Variants in INPP4B observed in about 807,000 individuals in gnomAD.
The protein encoded by INPP4B is inositol polyphosphate-4-phosphatase type II B.
INPP4B carries 55 observed loss-of-function variants against 122.5 expected under a neutral mutation model. That is an observed-to-expected ratio of 0.45 (90% CI 0.36 to 0.56). The LOEUF (loss-of-function observed/expected upper bound fraction) is 0.56, where lower values mean the gene tolerates loss of function less well. Among genes scored for constraint, INPP4B ranks in the 20% least tolerant of loss-of-function variants. The pLI, the probability that INPP4B is intolerant of heterozygous loss-of-function variation, is 0.00. For synonymous variants in INPP4B, 403 were observed against 388.7 expected, an observed-to-expected ratio of 1.04 and a Z score of -0.43; for missense variants, 1,000 against 1,097.7, an observed-to-expected ratio of 0.91 and a Z score of 1.26.
chr4:142,233,645 T>C (rs1040125988), intron 12 of INPP4B, among the ~76,000 whole-genome samples: 3 of 152,016 alleles, frequency 2.0e-5, no homozygotes, highest in African/African-American at 4.8e-5. Context: ...GGGATCTGAG[T>C]AGAGGTAGTG....
intron 1 of INPP4B, among the ~76,000 whole-genome samples, chr4:142,824,318 A>G (rs1781187409): frequency 7.0e-6 from 1 of 142,392 alleles, no homozygotes; most frequent in South Asian, 2.1e-4. Context: ...CTATCTATCT[A>G]TCTCTATCTC....
intron 15 of INPP4B, among the ~76,000 whole-genome samples, chr4:142,188,927 C>T (rs1008074601): frequency 1.3e-5 from 2 of 152,188 alleles, no homozygotes; most frequent in African/African-American, 4.8e-5. Context: ...CAGAAAAACA[C>T]ATTTCAAAGG....
chr4:142,794,602 C>T (rs979655480), intron 1 of INPP4B, among the ~76,000 whole-genome samples: 1 of 151,866 alleles, frequency 6.6e-6, no homozygotes, highest in African/African-American at 2.4e-5. Flanking sequence ...AAGCCCAAAT[C>T]ATTAAGATAT....
chr4:142,160,344 T>C lies in INPP4B; in HGVS notation c.1563+14A>G, dbSNP rs1345762057. ...GCCAAACATTGAGAGGCAAGCGATA[T>C]ACAAGAGACTTACCCACTCTTCCTC... On this transcript the variant is annotated intron_variant, in intron 17 of 25. Coordinates refer to ENST00000262992, the MANE Select transcript of INPP4B (RefSeq NM_001101669.3). 10 of 1,445,942 alleles carry C rather than the reference T, an allele frequency of 6.9e-6. No homozygotes were observed. In the African/African-American group the frequency reaches 8.3e-5, roughly 12 times the overall value. The allele number at this position is 1,445,942 out of a possible 1,614,324, so 89.6% of individuals were successfully genotyped here.
chr4:142,581,315 G>T (rs1266824487), intron 2 of INPP4B, among the ~76,000 whole-genome samples: 2 of 151,952 alleles, frequency 1.3e-5, no homozygotes, highest in Non-Finnish European at 2.9e-5. Flanking sequence ...CTACACAGCT[G>T]TTATCTCTCA....
Position 142,088,398 on chromosome 4 carries a change from A to C in INPP4B, c.2375-2142T>G, listed in dbSNP as rs1777849112. Among the ~76,000 whole-genome samples the C allele has an allele frequency of 2.0e-5, 3 of 152,258 alleles. No individual in the cohort carries two copies. In the South Asian group the frequency reaches 6.2e-4, roughly 31 times the overall value. On this transcript the variant is annotated intron_variant, in intron 23 of 25. Transcript: ENST00000262992. ...AAATTAGAATTATAAGCAGCCATTAAAAATTATGTACAGGTATATCGGTGA... is the reference window on the plus strand; with the variant it reads ...AAATTAGAATTATAAGCAGCCATTACAAATTATGTACAGGTATATCGGTGA...
At chr4:142,052,001 C>A (rs1451617863) in intron 25 of INPP4B, among the ~76,000 whole-genome samples, 1 of 151,960 alleles carries the variant, frequency 6.6e-6, no homozygotes, top group African/African-American at 2.4e-5. Flanking sequence ...CCGTTCTCAT[C>A]TCTTCATTTT....
chr4:142,407,708 C>T (rs72724565), intron 5 of INPP4B, among the ~76,000 whole-genome samples: 3,654 of 152,186 alleles, frequency 0.024, 61 homozygotes, highest in Middle Eastern at 0.041. Context: ...TCTTATGCAG[C>T]ATGATATCCT....
At chr4:142,073,189 G>A (rs112413504) in intron 25 of INPP4B, among the ~76,000 whole-genome samples, 1 of 152,100 alleles carries the variant, frequency 6.6e-6, no homozygotes, top group African/African-American at 2.4e-5. Context: ...CCATAATGAT[G>A]TCATTCACAC....
At chr4:142,359,935 A>T (rs935748754) in intron 7 of INPP4B, among the ~76,000 whole-genome samples, 1 of 151,930 alleles carries the variant, frequency 6.6e-6, no homozygotes, top group African/African-American at 2.4e-5. Flanking sequence ...GTGCCCATTT[A>T]AAAAAATGGA....
intron 9 of INPP4B, among the ~76,000 whole-genome samples, chr4:142,293,496 C>G (rs2636632): frequency 6.6e-6 from 1 of 152,032 alleles, no homozygotes; most frequent in South Asian, 2.1e-4. Context: ...CTATTACTTC[C>G]GTCTTATTCT....
chr4:142,621,767 A>G (rs909307418), intron 2 of INPP4B, among the ~76,000 whole-genome samples: 1 of 151,238 alleles, frequency 6.6e-6, no homozygotes, highest in Non-Finnish European at 1.5e-5. Flanking sequence ...CATACCTTAT[A>G]AAAATATTAT....
At chr4:142,301,681 C>T (rs1761469368) in intron 9 of INPP4B, among the ~76,000 whole-genome samples, 1 of 152,098 alleles carries the variant, frequency 6.6e-6, no homozygotes, top group East Asian at 1.9e-4. Flanking sequence ...AACTCTACCC[C>T]TGTACTTAAG....
intron 25 of INPP4B, among the ~76,000 whole-genome samples, chr4:142,052,780 C>A (rs962997814): frequency 6.6e-6 from 1 of 152,066 alleles, no homozygotes; most frequent in African/African-American, 2.4e-5. Context: ...ACTTGACTTA[C>A]TAAAATGGTA....
intron 7 of INPP4B, among the ~76,000 whole-genome samples, chr4:142,372,683 G>A (rs1790361318): frequency 6.6e-6 from 1 of 151,998 alleles, no homozygotes; most frequent in African/African-American, 2.4e-5. Context: ...TCTGACAGCT[G>A]GTAGAAATGT....
At chr4:142,480,148 A>C (rs1820332858) in intron 2 of INPP4B, among the ~76,000 whole-genome samples, 1 of 152,228 alleles carries the variant, frequency 6.6e-6, no homozygotes, top group Admixed American at 6.5e-5. Context: ...AAATGACTGC[A>C]AAACCTATAC....
intron 7 of INPP4B, among the ~76,000 whole-genome samples, chr4:142,371,742 C>T (rs1325593934): frequency 1.3e-5 from 2 of 151,938 alleles, no homozygotes; most frequent in African/African-American, 4.8e-5. Flanking sequence ...TATCATCTCA[C>T]CCCAGTGAGA....
intron 3 of INPP4B, among the ~76,000 whole-genome samples, chr4:142,441,883 A>AAG (rs766516710): frequency 2.0e-5 from 3 of 151,112 alleles, no homozygotes; most frequent in African/African-American, 4.9e-5. Context: ...ATGGCCAGAA[A>AAG]AGAGAGAGAG....
chr4:142,696,882 T>G (rs1761104006), intron 2 of INPP4B, among the ~76,000 whole-genome samples: 1 of 152,196 alleles, frequency 6.6e-6, no homozygotes, highest in Admixed American at 6.5e-5. Context: ...TTACTTGTTT[T>G]TATAACAGTG....
Sources: allele counts gnomAD v4.1 joint callset (sites outside exome capture counted in the v4.1 genomes callset), GRCh38; gene constraint gnomAD v4.1.1; transcripts MANE v1.5; gene names NCBI Gene and HGNC (gene_info 2026-07-23, HGNC 2026-07-21).